The following SORCS3 variants were observed in gnomAD, a reference collection of about 807,000 sequenced individuals.
The protein encoded by SORCS3 is VPS10 domain-containing receptor SorCS3.
A neutral mutation model predicts 146.3 loss-of-function variants in SORCS3; 57 were observed. The observed-to-expected ratio is 0.39, with a 90% CI of 0.31 to 0.49. The LOEUF is 0.49. Among genes scored for constraint, SORCS3 ranks in the 20% least tolerant of loss-of-function variants. The pLI, the probability that SORCS3 is intolerant of heterozygous loss-of-function variation, is 0.92. For missense variants in SORCS3, 1,341 were observed against 1,575.5 expected (o/e 0.85, Z 2.52); for synonymous variants, 653 against 618.5 (o/e 1.06, Z -0.83).
At chr10:104,793,575 T>C (rs900977317) in intron 1 of SORCS3, among the ~76,000 whole-genome samples, 1 of 152,124 alleles carries the variant, frequency 6.6e-6, no homozygotes, top group Non-Finnish European at 1.5e-5. Context: ...ATGGGATTGT[T>C]AGGACTTAGC....
In SORCS3 at chr10:104,883,261, G is replaced by A. The variant is rs542350424; in HGVS notation, c.696-32572G>A. Among the ~76,000 whole-genome samples the A allele has an allele frequency of 1.5e-4, 23 of 152,278 alleles. No homozygotes were observed. In the South Asian group the frequency reaches 4.8e-3, roughly 32 times the overall value. ...CAAGCTATCAGAGCCTTTCAGCAGT[G>A]AGAGTCTCTGAGGTCTTAACAACAC... On this transcript the variant is annotated intron_variant, in intron 2 of 26. Transcript: ENST00000369701.
chr10:104,752,547 C>A (rs1264055116), intron 1 of SORCS3, among the ~76,000 whole-genome samples: 1 of 152,148 alleles, frequency 6.6e-6, no homozygotes, highest in Non-Finnish European at 1.5e-5. Context: ...GCTGGGCCAG[C>A]TCAGAGGCTG....
intron 20 of SORCS3, among the ~76,000 whole-genome samples, chr10:105,234,547 C>G (rs1245508039): frequency 6.8e-6 from 1 of 146,668 alleles, no homozygotes; most frequent in Admixed American, 6.8e-5. Flanking sequence ...ATATTCTTTT[C>G]CTTTTTTTTT....
intron 6 of SORCS3, among the ~76,000 whole-genome samples, chr10:105,095,631 A>G (rs1283853590): frequency 1.3e-5 from 2 of 151,976 alleles, no homozygotes; most frequent in African/African-American, 4.8e-5. Flanking sequence ...AGCAGCCATT[A>G]GGTACCACTC....
chr10:105,162,768 T>C (rs1221738709), intron 11 of SORCS3, among the ~76,000 whole-genome samples: 1 of 152,124 alleles, frequency 6.6e-6, no homozygotes, highest in Non-Finnish European at 1.5e-5. Context: ...AGGTGAGGGA[T>C]GATAAGCTAG....
intron 2 of SORCS3, among the ~76,000 whole-genome samples, chr10:104,910,173 G>A (rs1278595356): frequency 6.6e-6 from 1 of 152,168 alleles, no homozygotes; most frequent in Non-Finnish European, 1.5e-5. Flanking sequence ...GGAGAGTAGC[G>A]TGAGTGACAG....
chr10:105,079,639 G>A (rs1169169945), intron 5 of SORCS3, among the ~76,000 whole-genome samples: 1 of 151,996 alleles, frequency 6.6e-6, no homozygotes, highest in Non-Finnish European at 1.5e-5. Context: ...TCATGTCATG[G>A]GGGTTTGATG....
chr10:105,062,047 A>AGT (rs1319294008), intron 5 of SORCS3, among the ~76,000 whole-genome samples: 1 of 152,198 alleles, frequency 6.6e-6, no homozygotes, highest in African/African-American at 2.4e-5. Flanking sequence ...CTTTGGAGAG[A>AGT]GTTATTTATT....
At chr10:105,252,629 G>A in intron 22 of SORCS3, 146 bp from the exon 23 acceptor site, 1 of 887,892 alleles carries the variant, frequency 1.1e-6, no homozygotes, top group Non-Finnish European at 1.7e-6. Flanking sequence ...CTGAAAGAAA[G>A]CCTGAATGTA....
intron 3 of SORCS3, among the ~76,000 whole-genome samples, chr10:104,964,948 A>G (rs781213967): frequency 1.3e-5 from 2 of 152,190 alleles, no homozygotes; most frequent in African/African-American, 2.4e-5. Flanking sequence ...AGTACCCCAT[A>G]TAAGTGCAAT....
chr10:105,072,943 T>C (rs1270591402), intron 5 of SORCS3, among the ~76,000 whole-genome samples: 1 of 152,164 alleles, frequency 6.6e-6, no homozygotes, highest in Non-Finnish European at 1.5e-5. Flanking sequence ...ACTTTCACCA[T>C]AACCCTGCGA....
At chr10:105,079,632 T>C (rs1003677689) in intron 5 of SORCS3, among the ~76,000 whole-genome samples, 1 of 152,158 alleles carries the variant, frequency 6.6e-6, no homozygotes, top group Admixed American at 6.5e-5. Flanking sequence ...GGTAAACTCA[T>C]GTCATGGGGG....
chr10:105,082,075 A>T (rs1564749447), intron 5 of SORCS3, among the ~76,000 whole-genome samples: 1 of 152,236 alleles, frequency 6.6e-6, no homozygotes, highest in East Asian at 1.9e-4. Flanking sequence ...GGATCAATTG[A>T]TACACTATCC....
At position 105,016,155 on chromosome 10, in the gene SORCS3, A is replaced by ATATATTT. The variant is rs71482443; in HGVS notation, c.955-26899_955-26898insATATTTT. Reference sequence around the variant, plus strand: ...TATAAATATATATATATATATATATATTTTTTTTTTTTTTTGAGATGGAGT... The same window carrying ATATATTT: ...TATAAATATATATATATATATATATATATATTTTTTTTTTTTTTTTTTGAGATGGAGT... On this transcript the variant is annotated intron_variant, in intron 4 of 26. Transcript: ENST00000369701. Among the ~76,000 whole-genome samples the ATATATTT allele has an allele frequency of 3.4e-3, 342 of 101,294 alleles. 2 individuals are homozygous for ATATATTT. Among genetic ancestry groups the ATATATTT allele is most frequent in the South Asian group, 6.1e-3 (18 of 2,958 alleles). 66.5% of individuals were successfully genotyped at this position (101,294 alleles called of 152,430 possible).
intron 1 of SORCS3, among the ~76,000 whole-genome samples, chr10:104,824,255 G>T (rs572720245): frequency 1.3e-5 from 2 of 152,320 alleles, no homozygotes; most frequent in East Asian, 3.9e-4. Flanking sequence ...GGCCCCAGTA[G>T]ATATCTCCAT....
At chr10:104,797,438 C>T (rs2017569587) in intron 1 of SORCS3, among the ~76,000 whole-genome samples, 1 of 151,922 alleles carries the variant, frequency 6.6e-6, no homozygotes, top group African/African-American at 2.4e-5. Flanking sequence ...GCTGTTTGCT[C>T]AGCCAACCTT....
At chr10:105,003,624 TACATA>T (rs1345240683) in intron 4 of SORCS3, among the ~76,000 whole-genome samples, 1 of 152,212 alleles carries the variant, frequency 6.6e-6, no homozygotes, top group Non-Finnish European at 1.5e-5. Context: ...TTAATATGTT[TACATA>T]AACTGTACAA....
chr10:104,832,921 A>C (rs2018017394), intron 1 of SORCS3, among the ~76,000 whole-genome samples: 1 of 152,126 alleles, frequency 6.6e-6, no homozygotes, highest in Non-Finnish European at 1.5e-5. Context: ...TGATGTTCAG[A>C]CCTTGGTATT....
At chr10:105,069,947 T>C (rs2055546469) in intron 5 of SORCS3, among the ~76,000 whole-genome samples, 1 of 152,168 alleles carries the variant, frequency 6.6e-6, no homozygotes, top group African/African-American at 2.4e-5. Flanking sequence ...GCCAGATCCA[T>C]AGCTTTCTGG....
Sources: gnomAD v4.1 joint callset for allele counts (sites outside exome capture counted in the v4.1 genomes callset) on GRCh38, gnomAD v4.1.1 for gene constraint, MANE v1.5 for transcripts, NCBI Gene and HGNC (gene_info 2026-07-23, HGNC 2026-07-21) for gene names.